Variants in PLPP4 observed in about 807,000 individuals in gnomAD.
PLPP4 encodes phospholipid phosphatase 4, also known as diacylglycerol pyrophosphate like 2.
A neutral mutation model predicts 32.2 loss-of-function variants in PLPP4; 20 were observed. The observed-to-expected ratio is 0.62, with a 90% CI of 0.44 to 0.90. The LOEUF (loss-of-function observed/expected upper bound fraction) is 0.90, where lower values mean the gene tolerates loss of function less well. PLPP4 is among the 40% of genes least tolerant of loss of function. PLPP4 has a pLI of 0.00. For missense variants in PLPP4, 257 were observed against 353.1 expected, an observed-to-expected ratio of 0.73 and a Z score of 2.18; for synonymous variants, 127 against 133.0, an observed-to-expected ratio of 0.95 and a Z score of 0.31.
intron 5 of PLPP4, among the ~76,000 whole-genome samples, chr10:120,530,992 G>A (rs1348462337): frequency 6.6e-6 from 1 of 151,856 alleles, no homozygotes; most frequent in Admixed American, 6.6e-5. Context: ...CTGTTTGCAA[G>A]CCTTCTGTCA....
intron 1 of PLPP4, among the ~76,000 whole-genome samples, chr10:120,482,630 C>T (rs779592527): frequency 1.2e-4 from 19 of 152,174 alleles, no homozygotes; most frequent in East Asian, 1.9e-4. Context: ...TGTCGCCAGG[C>T]GCAGTGGCTC....
intron 5 of PLPP4, among the ~76,000 whole-genome samples, chr10:120,573,905 C>A (rs1849058837): frequency 1.3e-5 from 2 of 152,064 alleles, no homozygotes; most frequent in South Asian, 4.1e-4. Flanking sequence ...TGGGCAGTCT[C>A]TTAAAGTTGC....
chr10:120,483,621 T>A (rs1844310785), intron 1 of PLPP4, among the ~76,000 whole-genome samples: 1 of 152,208 alleles, frequency 6.6e-6, no homozygotes, highest in Admixed American at 6.5e-5. Context: ...ATGTTGAAAT[T>A]TGATCACCGA....
chr10:120,524,685 G>A (rs532077891), intron 5 of PLPP4, among the ~76,000 whole-genome samples: 77 of 152,274 alleles, frequency 5.1e-4, no homozygotes, highest in Admixed American at 2.3e-3. Context: ...CCATGGCAGC[G>A]TTTTTATGGG....
intron 1 of PLPP4, among the ~76,000 whole-genome samples, chr10:120,461,499 A>G (rs752595973): frequency 6.6e-6 from 1 of 151,726 alleles, no homozygotes; most frequent in Non-Finnish European, 1.5e-5. Context: ...CCTCCCTGTC[A>G]TTTCTGGTGG....
chr10:120,459,530 T>G (rs1445346356), intron 1 of PLPP4, among the ~76,000 whole-genome samples: 1 of 152,180 alleles, frequency 6.6e-6, no homozygotes, highest in Non-Finnish European at 1.5e-5. Flanking sequence ...TAATTCTTCC[T>G]TTTGCCAGTA....
intron 1 of PLPP4, among the ~76,000 whole-genome samples, chr10:120,465,726 A>G (rs1226563776): frequency 6.6e-6 from 1 of 152,188 alleles, no homozygotes; most frequent in Non-Finnish European, 1.5e-5. Context: ...CACTATTCAT[A>G]ATTGTACAGC....
chr10:120,521,115 T>A lies in PLPP4; in HGVS notation c.445+20T>A. The A allele has an allele frequency of 6.2e-7, 1 of 1,613,566 alleles. No homozygotes were observed. The highest frequency in any genetic ancestry group is 8.5e-7 in the Non-Finnish European group (1 of 1,179,754). Reference sequence around the variant, plus strand: ...CCTCCTGTAAGTTCATGGCTGGGATTCTCTTAATGCCCCCAGTCATGTTTC... The same window carrying A: ...CCTCCTGTAAGTTCATGGCTGGGATACTCTTAATGCCCCCAGTCATGTTTC... On this transcript the variant is annotated intron_variant, in intron 5 of 6. Coordinates refer to ENST00000398250, the MANE Select transcript of PLPP4 (RefSeq NM_001030059.3).
At chr10:120,527,009 G>A (rs528612030) in intron 5 of PLPP4, among the ~76,000 whole-genome samples, 1 of 152,260 alleles carries the variant, frequency 6.6e-6, no homozygotes, top group Admixed American at 6.5e-5. Context: ...CAGGTGCTCC[G>A]AGATGGAATG....
At chr10:120,469,462 C>T (rs34375329) in intron 1 of PLPP4, among the ~76,000 whole-genome samples, 15,961 of 152,090 alleles carry the variant, frequency 0.1, 1,015 homozygotes, top group African/African-American at 0.19. Flanking sequence ...CTCCTGACCT[C>T]GTGATCCGCC....
intron 3 of PLPP4, among the ~76,000 whole-genome samples, chr10:120,518,065 C>T (rs940841560): frequency 6.6e-5 from 10 of 152,170 alleles, no homozygotes; most frequent in African/African-American, 1.9e-4. Flanking sequence ...TACGCACTCT[C>T]GATAAACCAC....
chr10:120,532,797 A>G (rs1846802552), intron 5 of PLPP4, among the ~76,000 whole-genome samples: 1 of 152,206 alleles, frequency 6.6e-6, no homozygotes, highest in Non-Finnish European at 1.5e-5. Context: ...TGTAGCATAT[A>G]TTAGTACTTT....
intron 2 of PLPP4, among the ~76,000 whole-genome samples, chr10:120,508,246 CT>C (rs1448926710): frequency 6.6e-6 from 1 of 152,100 alleles, no homozygotes; most frequent in African/African-American, 2.4e-5. Flanking sequence ...TTTTTAGGCT[CT>C]TTTTAAGAGT....
At chr10:120,530,123 A>C (rs1361530322) in intron 5 of PLPP4, among the ~76,000 whole-genome samples, 1 of 152,188 alleles carries the variant, frequency 6.6e-6, no homozygotes, top group African/African-American at 2.4e-5. Flanking sequence ...TTCAATGATG[A>C]TGATTCTTAA....
At chr10:120,505,730 G>C (rs1317292528) in intron 2 of PLPP4, among the ~76,000 whole-genome samples, 1 of 152,204 alleles carries the variant, frequency 6.6e-6, no homozygotes, top group East Asian at 1.9e-4. Context: ...GGGTGGTTGT[G>C]AGTAGGGAAT....
chr10:120,520,894 G>A, intron 4 of PLPP4, 77 bp from the exon 5 acceptor site: 3 of 1,564,214 alleles, frequency 1.9e-6, no homozygotes, highest in Non-Finnish European at 1.7e-6. Context: ...GGGGCAGTGG[G>A]GAGTTGGGGG....
chr10:120,470,222 C>T (rs1438595561), intron 1 of PLPP4, among the ~76,000 whole-genome samples: 3 of 152,156 alleles, frequency 2.0e-5, no homozygotes, highest in Admixed American at 1.3e-4. Flanking sequence ...GTTTCACAAG[C>T]GTATTGGCAA....
chr10:120,531,212 T>G (rs1049821824), intron 5 of PLPP4, among the ~76,000 whole-genome samples: 4 of 151,758 alleles, frequency 2.6e-5, no homozygotes, highest in Non-Finnish European at 4.4e-5. Flanking sequence ...TTCAAGTGAT[T>G]CTTCTGCCTC....
At chr10:120,515,671 C>T (rs1020730841) in intron 3 of PLPP4, among the ~76,000 whole-genome samples, 1 of 152,230 alleles carries the variant, frequency 6.6e-6, no homozygotes, top group Non-Finnish European at 1.5e-5. Context: ...AGGTCACATT[C>T]TCCAAGGATT....
Sources: allele counts gnomAD v4.1 joint callset (sites outside exome capture counted in the v4.1 genomes callset), GRCh38; gene constraint gnomAD v4.1.1; transcripts MANE v1.5; gene names NCBI Gene and HGNC (gene_info 2026-07-23, HGNC 2026-07-21).